The following TRIM16 variants were observed in gnomAD, a reference collection of about 807,000 sequenced individuals.
TRIM16 encodes the protein tripartite motif containing 16.
TRIM16 carries 33 observed loss-of-function variants against 50.4 expected under a neutral mutation model. That is an observed-to-expected ratio of 0.65 (90% CI 0.50 to 0.88). TRIM16 has a LOEUF of 0.88. Ranked by LOEUF, TRIM16 falls within the 40% of genes least tolerant of loss-of-function variation. The probability of loss-of-function intolerance (pLI) is 0.00; values close to 1 mark genes in which losing one functional copy is unlikely to be tolerated. For missense variants in TRIM16, 581 were observed against 686.8 expected (o/e 0.85, Z 1.72); for synonymous variants, 229 against 270.7 (o/e 0.85, Z 1.51).
intron 6 of TRIM16, among the ~76,000 whole-genome samples, chr17:15,664,235 G>A (rs1466240857): frequency 6.6e-6 from 1 of 152,214 alleles, no homozygotes; most frequent in Non-Finnish European, 1.5e-5. Flanking sequence ...AGGCACAGGT[G>A]AAACTCAAAA....
At chr17:15,642,080 G>C (rs982567881) in intron 8 of TRIM16, among the ~76,000 whole-genome samples, 1 of 148,770 alleles carries the variant, frequency 6.7e-6, no homozygotes, top group Non-Finnish European at 1.5e-5. Context: ...CTGACCTCAA[G>C]TGATCCACCC....
intron 3 of TRIM16, 109 bp downstream of exon 3, chr17:15,682,745 A>G: frequency 9.3e-7 from 1 of 1,077,572 alleles, no homozygotes; most frequent in Non-Finnish European, 1.2e-6. Context: ...TCCTTCAGAA[A>G]GGCAGGTGGT....
intron 6 of TRIM16, among the ~76,000 whole-genome samples, chr17:15,663,123 C>G (rs145630382): frequency 7.7e-4 from 117 of 152,234 alleles, no homozygotes; most frequent in African/African-American, 2.7e-3. Context: ...CAGGAACTGG[C>G]ATTTCTTCTT....
At chr17:15,679,138 CA>C (rs1472260359) in intron 4 of TRIM16, among the ~76,000 whole-genome samples, 1 of 152,138 alleles carries the variant, frequency 6.6e-6, no homozygotes, top group Non-Finnish European at 1.5e-5. Flanking sequence ...CTCGGCCTCC[CA>C]AAGTGCTGGG....
chr17:15,659,746 G>GCCCTGAGC (rs534827964), intron 6 of TRIM16, among the ~76,000 whole-genome samples: 37 of 152,326 alleles, frequency 2.4e-4, no homozygotes, highest in Non-Finnish European at 4.9e-4. Flanking sequence ...CTCCCCTGAG[G>GCCCTGAGC]CCCTGAGCCA....
chr17:15,678,678 T>C (rs2530105), intron 4 of TRIM16, among the ~76,000 whole-genome samples: 1 of 152,222 alleles, frequency 6.6e-6, no homozygotes, highest in Non-Finnish European at 1.5e-5. Context: ...TACACTTCTA[T>C]TGTATTAAGG....
Position 15,677,164 on chromosome 17 carries a change from G to C in TRIM16, c.-338+12C>G, listed in dbSNP as rs1245838366. On this transcript the variant is annotated intron_variant, in intron 6 of 11. Transcript: ENST00000649191. ...TATTTCTAAAGATGCAATCTGCCTT[G>C]TTCTCACTTACGTGTACCGCTGCTT... is the stretch of plus-strand genomic sequence containing the variant. 1.0e-6 allele frequency: 1 copy of C among 985,008 alleles called. No homozygotes were observed. The highest frequency in any genetic ancestry group is 1.2e-6 in the Non-Finnish European group (1 of 829,822). The allele number at this position is 985,008 out of a possible 1,614,324, so 61.0% of individuals were successfully genotyped here. A position where few individuals can be genotyped will look rare whatever the true frequency, so the allele number is the denominator to read the frequency against.
At chr17:15,671,943 A>C (rs550337229) in intron 6 of TRIM16, among the ~76,000 whole-genome samples, 1 of 152,276 alleles carries the variant, frequency 6.6e-6, no homozygotes, top group Non-Finnish European at 1.5e-5. Context: ...TGATAACGTG[A>C]CAACTGCCTC....
At position 15,636,083 on chromosome 17, in the gene TRIM16, C is replaced by T. The variant is rs201069444; in HGVS notation, c.802G>A (p.Glu268Lys). 43 of 1,609,598 alleles carry T rather than the reference C, an allele frequency of 2.7e-5. 4 individuals carry two copies. The East Asian group carries it at 8.9e-4, about 33-fold the overall frequency. Residue 268 changes from glutamate to lysine, a missense_variant, in exon 9 of 12, where the codon GAG (glutamate) becomes AAG (lysine). Transcript: ENST00000649191. The part of the protein sequence containing the change: ...RSAEMEKSKQ[E>K]LERMAAISNT... The stretch of plus-strand genomic sequence containing the variant: ...CTGATGGCCGCCATCCTCTCCAGCT[C>T]CTGCTTGCTCTTCTCCATCTCGGCA...
intron 6 of TRIM16, among the ~76,000 whole-genome samples, chr17:15,667,828 C>A (rs186840): frequency 0.2 from 29,693 of 151,988 alleles, 3,035 homozygotes; most frequent in African/African-American, 0.25. Flanking sequence ...TAGTTTGTCA[C>A]AATTAATGAA....
intron 6 of TRIM16, among the ~76,000 whole-genome samples, chr17:15,660,821 C>G (rs568811499): frequency 4.1e-5 from 6 of 147,016 alleles, no homozygotes; most frequent in Admixed American, 7.0e-5. Context: ...TGGTGTGAAC[C>G]TGGGAGGCAG....
intron 11 of TRIM16, among the ~76,000 whole-genome samples, chr17:15,629,486 C>A (rs1197692852): frequency 1.3e-5 from 2 of 152,246 alleles, no homozygotes. Flanking sequence ...TTCATGCATT[C>A]ATTCATTCAT....
At chr17:15,684,100 A>C (rs1044239289) in intron 1 of TRIM16, 96 bp downstream of exon 1, 1 of 152,338 alleles carries the variant, frequency 6.6e-6, no homozygotes, top group African/African-American at 2.4e-5. Flanking sequence ...TAGCTCCAGC[A>C]GAAGGAATTA....
Position 15,632,618 on chromosome 17 carries a change from C to T in TRIM16, c.906G>A (p.Gly302=), listed in dbSNP as rs1986488976. 1.9e-6 allele frequency: 3 copies of T among 1,613,812 alleles called. No homozygotes were observed. The highest frequency in any genetic ancestry group is 8.5e-7 in the Non-Finnish European group (1 of 1,179,848). The stretch of plus-strand genomic sequence containing the variant: ...GGATGCCCGAGAGTTTATCCTTCAG[C>T]CCTACGTAAACACTAGGGAAGGTGA... ...EDITFPSVYV[G]LKDKLSGIRK... The change falls in exon 10 of 12, where the codon GGG becomes GGA. Residue 302 remains glycine, a synonymous_variant. Coordinates refer to ENST00000649191, the MANE Select transcript of TRIM16 (RefSeq NM_001348119.1).
intron 11 of TRIM16, among the ~76,000 whole-genome samples, 171 bp from the exon 12 acceptor site, chr17:15,629,369 A>T (rs1389581533): frequency 6.6e-6 from 1 of 152,262 alleles, no homozygotes; most frequent in Non-Finnish European, 1.5e-5. Context: ...GAAGACCAGA[A>T]AACAGAGAGC....
At chr17:15,683,191 C>G in intron 1 of TRIM16, 34 bp from the exon 2 acceptor site, 1 of 1,453,316 alleles carries the variant, frequency 6.9e-7, no homozygotes, top group Non-Finnish European at 9.4e-7. Context: ...AAGTTTTCCC[C>G]TTTTTCATTG....
chr17:15,677,393 A>C lies in TRIM16; in HGVS notation c.-442-113T>G, dbSNP rs577768397. 7.7e-6 allele frequency: 7 copies of C among 905,964 alleles called. No homozygotes were observed. The East Asian group carries it at 3.6e-4, about 46-fold the overall frequency. The allele number at this position is 905,964 out of a possible 1,614,324, so 56.1% of individuals were successfully genotyped here. On this transcript the variant is annotated intron_variant, in intron 5 of 11. Coordinates refer to ENST00000649191, the MANE Select transcript of TRIM16 (RefSeq NM_001348119.1). Reference sequence around the variant, plus strand: ...GGAGAAAACGAAATAACTAATTGTCAAAAGCAATTAAATAATTTCTACCCA... The same window carrying C: ...GGAGAAAACGAAATAACTAATTGTCCAAAGCAATTAAATAATTTCTACCCA...
In TRIM16 at chr17:15,636,180, G is replaced by A. The variant is rs1010383738; in HGVS notation, c.705C>T (p.Leu235=). The A allele has an allele frequency of 6.8e-6, 11 of 1,609,788 alleles. No individual in the cohort carries two copies. Among genetic ancestry groups the A allele is most frequent in the Admixed American group, 6.7e-5 (4 of 59,910 alleles). ...AVRKAQANVM[L]FLEEKEQAAL... ...CAGCTTGCTCCTTCTCCTCTAAGAA[G>A]AGCATCACATTGGCCTGGGCCTTCC... The change falls in exon 9 of 12, where the codon CTC becomes CTT. Residue 235 remains leucine, a synonymous_variant. Transcript: ENST00000649191.
chr17:15,633,954 G>A (rs1250898748), intron 9 of TRIM16, among the ~76,000 whole-genome samples: 1 of 144,506 alleles, frequency 6.9e-6, no homozygotes, highest in African/African-American at 2.6e-5. Flanking sequence ...CAGCACTTTG[G>A]GGGGCCGAGG....
Sources: gnomAD v4.1 joint callset for allele counts (sites outside exome capture counted in the v4.1 genomes callset) on GRCh38, gnomAD v4.1.1 for gene constraint, MANE v1.5 for transcripts, NCBI Gene and HGNC (gene_info 2026-07-23, HGNC 2026-07-21) for gene names.